NRXN3: variants seen among roughly 807,000 people sequenced by gnomAD.
NRXN3 encodes the protein neurexin III.
Under a neutral mutation model 137.6 loss-of-function variants are expected in NRXN3, and 32 were observed. That is an observed-to-expected ratio of 0.23 (90% confidence interval 0.18 to 0.31). The LOEUF (loss-of-function observed/expected upper bound fraction) is 0.31. Ranked by LOEUF, NRXN3 falls within the 10% of genes least tolerant of loss-of-function variation. The probability of loss-of-function intolerance (pLI) is 1.00; values close to 1 mark genes in which losing one functional copy is unlikely to be tolerated. For synonymous variants in NRXN3, 798 were observed against 784.5 expected, an observed-to-expected ratio of 1.02 and a Z score of -0.29; for missense variants, 1,574 against 2,062.5, an observed-to-expected ratio of 0.76 and a Z score of 4.59.
chr14:78,948,544 C>A (rs567100090), intron 10 of NRXN3, among the ~76,000 whole-genome samples: 4 of 150,830 alleles, frequency 2.7e-5, no homozygotes, highest in Admixed American at 2.6e-4. Context: ...TGATGCCAGG[C>A]GGCACGTGAT....
chr14:79,001,368 G>A (rs944843528), intron 15 of NRXN3, among the ~76,000 whole-genome samples: 3 of 152,100 alleles, frequency 2.0e-5, no homozygotes. Context: ...TCTCAATGTA[G>A]TCCAAACCCT....
intron 15 of NRXN3, among the ~76,000 whole-genome samples, chr14:79,395,808 CAAA>C (rs11300542): frequency 3.4e-5 from 3 of 89,290 alleles, no homozygotes; most frequent in Admixed American, 1.3e-4. Flanking sequence ...GACTCCATCT[CAAA>C]AAAAAAAAAA....
Position 79,298,952 on chromosome 14 carries a change from G to C in NRXN3, c.3263-168269G>C, listed in dbSNP as rs558245664. On this transcript the variant is annotated intron_variant, in intron 15 of 20. Coordinates refer to ENST00000335750, the MANE Select transcript of NRXN3 (RefSeq NM_001330195.2). ...ATATGAGTGGCTGGGAGAAGGCCAGGGGGCTGGAATCAAGAAGGCAGAAGG... is the reference window on the plus strand; with the variant it reads ...ATATGAGTGGCTGGGAGAAGGCCAGCGGGCTGGAATCAAGAAGGCAGAAGG... 3 of 152,574 alleles carry C rather than the reference G, an allele frequency of 2.0e-5. No individual in the cohort carries two copies. The South Asian group carries it at 6.2e-4, about 32-fold the overall frequency. The allele number at this position is 152,574 out of a possible 1,614,324, so 9.5% of individuals were successfully genotyped here.
chr14:78,492,447 T>C (rs1010755749), intron 4 of NRXN3, among the ~76,000 whole-genome samples: 1 of 152,232 alleles, frequency 6.6e-6, no homozygotes, highest in Non-Finnish European at 1.5e-5. Context: ...AAGTACTTAA[T>C]AGTTTATATT....
intron 15 of NRXN3, among the ~76,000 whole-genome samples, chr14:79,371,040 C>G (rs2094090824): frequency 6.6e-6 from 1 of 152,148 alleles, no homozygotes; most frequent in South Asian, 2.1e-4. Context: ...AGTGCCATTT[C>G]TCTCATATTG....
intron 4 of NRXN3, among the ~76,000 whole-genome samples, chr14:78,504,974 A>T (rs1322059042): frequency 6.6e-6 from 1 of 152,148 alleles, no homozygotes; most frequent in Non-Finnish European, 1.5e-5. Flanking sequence ...CAATGAGGCA[A>T]ATCTCTGAGC....
At chr14:78,565,863 A>G (rs907239069) in intron 4 of NRXN3, among the ~76,000 whole-genome samples, 4 of 152,212 alleles carry the variant, frequency 2.6e-5, no homozygotes, top group African/African-American at 9.6e-5. Context: ...TGGAAAAAGT[A>G]TTATAGCCTA....
chr14:78,782,055 C>T (rs1190998325), intron 8 of NRXN3, among the ~76,000 whole-genome samples: 1 of 152,212 alleles, frequency 6.6e-6, no homozygotes, highest in African/African-American at 2.4e-5. Context: ...ACTGGGCTTG[C>T]GTACTCAGCT....
chr14:78,501,861 G>T (rs1567774568), intron 4 of NRXN3, among the ~76,000 whole-genome samples: 1 of 152,108 alleles, frequency 6.6e-6, no homozygotes, highest in African/African-American at 2.4e-5. Flanking sequence ...TTTACAAAGC[G>T]TTATCACATA....
chr14:78,896,572 T>C (rs184320023), intron 10 of NRXN3, among the ~76,000 whole-genome samples: 2 of 151,800 alleles, frequency 1.3e-5, no homozygotes, highest in African/African-American at 2.4e-5. Flanking sequence ...AGAGATTGGT[T>C]GAGAATTGAG....
At chr14:78,630,554 A>G (rs770758843) in intron 4 of NRXN3, among the ~76,000 whole-genome samples, 1 of 151,208 alleles carries the variant, frequency 6.6e-6, no homozygotes, top group Non-Finnish European at 1.5e-5. Flanking sequence ...TTTAGCTTTT[A>G]CTACAAATGT....
At chr14:78,236,096 A>C (rs1385215819) in intron 1 of NRXN3, among the ~76,000 whole-genome samples, 1 of 152,242 alleles carries the variant, frequency 6.6e-6, no homozygotes, top group Non-Finnish European at 1.5e-5. Flanking sequence ...ATATATATGT[A>C]TCAGGAAGTG....
At chr14:79,470,035 AG>A (rs2096480283) in intron 16 of NRXN3, among the ~76,000 whole-genome samples, 1 of 152,178 alleles carries the variant, frequency 6.6e-6, no homozygotes, top group African/African-American at 2.4e-5. Flanking sequence ...AATCTGTAAA[AG>A]GTGGTTCTGT....
chr14:79,584,092 A>G lies in NRXN3; in HGVS notation c.3445-79686A>G, dbSNP rs565167867. On this transcript the variant is annotated intron_variant, in intron 16 of 20. Coordinates refer to ENST00000335750, the MANE Select transcript of NRXN3 (RefSeq NM_001330195.2). ...TAAAGTTGAATTTCTGGCTATTACT[A>G]GGATAATTTTTTCTCCTGGACATTT... Among the ~76,000 whole-genome samples, 27 of 118,552 alleles carry G rather than the reference A, an allele frequency of 2.3e-4. No homozygotes were observed. The East Asian group carries it at 7.7e-3, about 34-fold the overall frequency. 77.8% of individuals were successfully genotyped at this position (118,552 alleles called of 152,430 possible).
At chr14:78,755,056 C>G (rs926472700) in intron 8 of NRXN3, among the ~76,000 whole-genome samples, 2 of 152,124 alleles carry the variant, frequency 1.3e-5, no homozygotes, top group African/African-American at 4.8e-5. Flanking sequence ...TCCATTTACT[C>G]TCATGGAATG....
intron 8 of NRXN3, among the ~76,000 whole-genome samples, chr14:78,777,765 T>A (rs533250740): frequency 7.9e-5 from 12 of 152,252 alleles, no homozygotes; most frequent in East Asian, 5.8e-4. Context: ...GGATTTTTTT[T>A]TAAAAATTTA....
chr14:78,647,861 A>G (rs2097702379), intron 5 of NRXN3, among the ~76,000 whole-genome samples: 1 of 152,218 alleles, frequency 6.6e-6, no homozygotes, highest in African/African-American at 2.4e-5. Context: ...GAATGGTGGG[A>G]TCTTCCTGTC....
At chr14:79,558,678 A>C (rs2081368375) in intron 16 of NRXN3, among the ~76,000 whole-genome samples, 1 of 151,934 alleles carries the variant, frequency 6.6e-6, no homozygotes, top group African/African-American at 2.4e-5. Context: ...GGCAGAGTAA[A>C]TTTATCACAA....
intron 19 of NRXN3, among the ~76,000 whole-genome samples, chr14:79,754,567 C>G (rs1275705442): frequency 2.5e-5 from 3 of 120,700 alleles, no homozygotes; most frequent in African/African-American, 3.8e-5. Context: ...TATATATGCA[C>G]ACATACACAC....
Sources: allele counts gnomAD v4.1 joint callset (sites outside exome capture counted in the v4.1 genomes callset), GRCh38; gene constraint gnomAD v4.1.1; transcripts MANE v1.5; gene names NCBI Gene and HGNC (gene_info 2026-07-23, HGNC 2026-07-21).